DPYD: variants seen among roughly 807,000 people sequenced by gnomAD.
DPYD encodes the protein dihydropyrimidine dehydrogenase [NADP(+)].
Under a neutral mutation model 116.2 loss-of-function variants are expected in DPYD, and 109 were observed. That is an observed-to-expected ratio of 0.94 (90% confidence interval 0.80 to 1.10). DPYD has a LOEUF of 1.10. Among genes scored for constraint, DPYD ranks in the 50% least tolerant of loss-of-function variants. The pLI is 0.00. For synonymous variants in DPYD, 440 were observed against 432.0 expected (o/e 1.02, Z -0.23); for missense variants, 1,302 against 1,254.5 (o/e 1.04, Z -0.57).
At chr1:97,334,494 C>A (rs1007442394) in intron 16 of DPYD, among the ~76,000 whole-genome samples, 1 of 152,120 alleles carries the variant, frequency 6.6e-6, no homozygotes, top group African/African-American at 2.4e-5. Context: ...AGCAGAATTA[C>A]GGGATTTGTA....
chr1:97,131,543 T>C (rs1653345453), intron 20 of DPYD, among the ~76,000 whole-genome samples: 1 of 152,140 alleles, frequency 6.6e-6, no homozygotes, highest in Non-Finnish European at 1.5e-5. Context: ...CTGCTATATG[T>C]CAGAGCAAGA....
intron 20 of DPYD, among the ~76,000 whole-genome samples, chr1:97,180,595 A>T (rs1423712212): frequency 1.3e-5 from 2 of 152,154 alleles, no homozygotes; most frequent in Non-Finnish European, 2.9e-5. Context: ...CTCAATCTCC[A>T]CCCAGAACAA....
chr1:97,091,637 C>T lies in DPYD; in HGVS notation c.2766+6852G>A, dbSNP rs141239907. 5.3e-5 allele frequency among the ~76,000 whole-genome samples: 8 copies of T among 152,212 alleles called. No individual in the cohort carries two copies. The East Asian group carries it at 1.4e-3, about 26-fold the overall frequency. On this transcript the variant is annotated intron_variant, in intron 21 of 22. Transcript: ENST00000370192. Reference sequence around the variant, plus strand: ...GAAATAATGGGCAAAATGGCAGGGACTTGTATAAAAATGACAATAACTGTG... The same window carrying T: ...GAAATAATGGGCAAAATGGCAGGGATTTGTATAAAAATGACAATAACTGTG...
chr1:97,814,578 A>AT (rs1490372717), intron 3 of DPYD, among the ~76,000 whole-genome samples: 1 of 151,956 alleles, frequency 6.6e-6, no homozygotes, highest in Non-Finnish European at 1.5e-5. Context: ...GAGAGAGAAA[A>AT]TTTTTTCCAC....
intron 3 of DPYD, among the ~76,000 whole-genome samples, chr1:97,793,863 A>G (rs1667437896): frequency 6.6e-6 from 1 of 152,172 alleles, no homozygotes; most frequent in Non-Finnish European, 1.5e-5. Context: ...GAAATTGATA[A>G]ATTTAACTTC....
At chr1:97,238,289 G>C (rs1446750047) in intron 18 of DPYD, among the ~76,000 whole-genome samples, 2 of 151,988 alleles carry the variant, frequency 1.3e-5, no homozygotes, top group Non-Finnish European at 2.9e-5. Context: ...TCTGTTGCTG[G>C]ACTACAGTAA....
chr1:97,540,777 C>T (rs148803313), intron 12 of DPYD, among the ~76,000 whole-genome samples: 1,934 of 152,278 alleles, frequency 0.013, 28 homozygotes, highest in Middle Eastern at 0.024. Flanking sequence ...CTCAGTCCTT[C>T]TGGTGACTAG....
chr1:97,509,825 C>T (rs1299809177), intron 13 of DPYD, among the ~76,000 whole-genome samples: 1 of 151,814 alleles, frequency 6.6e-6, no homozygotes, highest in Non-Finnish European at 1.5e-5. Context: ...TCTAACATTC[C>T]TAAAGACATT....
At chr1:97,829,071 T>C (rs1669393991) in intron 2 of DPYD, among the ~76,000 whole-genome samples, 1 of 151,836 alleles carries the variant, frequency 6.6e-6, no homozygotes, top group Non-Finnish European at 1.5e-5. Flanking sequence ...ATATGAATCT[T>C]TTGGCACCCT....
At chr1:97,906,324 CTTATT>C (rs1418561867) in intron 1 of DPYD, among the ~76,000 whole-genome samples, 4 of 151,976 alleles carry the variant, frequency 2.6e-5, no homozygotes, top group African/African-American at 9.7e-5. Flanking sequence ...TTATAACATG[CTTATT>C]TTAACTCTTA....
intron 3 of DPYD, among the ~76,000 whole-genome samples, chr1:97,749,778 C>T (rs1322478591): frequency 6.6e-6 from 1 of 151,976 alleles, no homozygotes; most frequent in Non-Finnish European, 1.5e-5. Flanking sequence ...TCCCTGCTCA[C>T]CACAACTATG....
At chr1:97,634,421 T>C (rs1657446254) in intron 8 of DPYD, among the ~76,000 whole-genome samples, 1 of 151,944 alleles carries the variant, frequency 6.6e-6, no homozygotes, top group Non-Finnish European at 1.5e-5. Context: ...TTTATCAAAA[T>C]GAAGCATCAA....
At position 97,306,241 on chromosome 1, in the gene DPYD, A is replaced by T. The variant is rs753891721; in HGVS notation, c.2115T>A (p.Pro705=). 18 of 1,612,478 alleles carry T rather than the reference A, an allele frequency of 1.1e-5. No individual in the cohort carries two copies. The Admixed American group carries it at 2.8e-4, about 25-fold the overall frequency. The stretch of plus-strand genomic sequence containing the variant: ...CATTTGGGGTCAGCTTGGCAAAAAA[A>T]GGAATCTGAACAGCTTGCCTAACCC... ...CRWVRQAVQI[P]FFAKLTPNVT... The change falls in exon 17 of 23, where the codon CCT becomes CCA. Residue 705 remains proline (P), a synonymous_variant. Coordinates refer to ENST00000370192, the MANE Select transcript of DPYD (RefSeq NM_000110.4).
chr1:97,886,864 TCTC>T (rs1672519303), intron 1 of DPYD, among the ~76,000 whole-genome samples: 1 of 151,798 alleles, frequency 6.6e-6, no homozygotes, highest in South Asian at 2.1e-4. Context: ...TAAGATGAGT[TCTC>T]CTGGAGTTAC....
intron 19 of DPYD, among the ~76,000 whole-genome samples, chr1:97,218,649 C>A (rs1367728193): frequency 6.6e-6 from 1 of 151,186 alleles, no homozygotes; most frequent in Non-Finnish European, 1.5e-5. Flanking sequence ...GGAATGGGAC[C>A]TTTTCAAATC....
chr1:97,333,517 A>ATTTTTTTTTTTTTTT (rs778577478), intron 16 of DPYD, among the ~76,000 whole-genome samples: 4 of 97,050 alleles, frequency 4.1e-5, no homozygotes, highest in African/African-American at 4.2e-5. Context: ...AAGTCTTAGG[A>ATTTTTTTTTTTTTTT]TTTTTTTTTT....
At chr1:97,691,652 T>C (rs1661012428) in intron 7 of DPYD, 65 bp downstream of exon 7, 1 of 1,328,388 alleles carries the variant, frequency 7.5e-7, no homozygotes, top group Non-Finnish European at 1.1e-6. Context: ...TTGCTGTTAA[T>C]CTTTAGTGTA....
intron 14 of DPYD, among the ~76,000 whole-genome samples, chr1:97,411,143 T>C (rs1043723824): frequency 1.3e-5 from 2 of 152,138 alleles, no homozygotes; most frequent in African/African-American, 4.8e-5. Flanking sequence ...ACATGAGACA[T>C]AAAGATTTTC....
At chr1:97,579,800 G>T (rs1426067091) in intron 10 of DPYD, among the ~76,000 whole-genome samples, 1 of 152,124 alleles carries the variant, frequency 6.6e-6, no homozygotes, top group Admixed American at 6.5e-5. Flanking sequence ...CAATAAAGTA[G>T]TAAGCAGCTA....
Sources: allele counts gnomAD v4.1 joint callset (sites outside exome capture counted in the v4.1 genomes callset), GRCh38; gene constraint gnomAD v4.1.1; transcripts MANE v1.5; gene names NCBI Gene and HGNC (gene_info 2026-07-23, HGNC 2026-07-21).